Variants in MAPK8 observed in about 807,000 individuals in gnomAD.
The protein encoded by MAPK8 is mitogen-activated protein kinase 8.
A neutral mutation model predicts 52.9 loss-of-function variants in MAPK8; 13 were observed. That is an observed-to-expected ratio of 0.25 (90% CI 0.16 to 0.39). The LOEUF is 0.39. Ranked by LOEUF, MAPK8 falls within the 10% of genes least tolerant of loss-of-function variation. The probability of loss-of-function intolerance (pLI) is 1.00; values close to 1 mark genes in which losing one functional copy is unlikely to be tolerated. For missense variants in MAPK8, 300 were observed against 519.2 expected (o/e 0.58, Z 4.10); for synonymous variants, 191 against 169.8 (o/e 1.12, Z -0.97).
At chr10:48,353,094 A>C (rs1846496623) in intron 1 of MAPK8, among the ~76,000 whole-genome samples, 1 of 152,234 alleles carries the variant, frequency 6.6e-6, no homozygotes. Context: ...GAAAGAAATC[A>C]AAGACCCAAA....
rs751835651 is a variant in MAPK8, at chr10:48,426,492, T to G, written c.984T>G (p.Ser328=). Residue 328 remains serine, a synonymous_variant, in exon 9 of 12, where the codon TCT becomes TCG. Coordinates refer to ENST00000374189, the MANE Select transcript of MAPK8 (RefSeq NM_001323329.2). ...ACATCAATGTCTGGTATGATCCTTC[T>G]GAAGCAGAAGCTGTAAGTTATTTTC... ...HPYINVWYDP[S]EAEAPPPKIP... The G allele has an allele frequency of 6.2e-7, 1 of 1,610,150 alleles. No homozygotes were observed. Among genetic ancestry groups the G allele is most frequent in the Admixed American group, 1.7e-5 (1 of 59,040 alleles).
chr10:48,363,278 C>T (rs1484168772), intron 1 of MAPK8, among the ~76,000 whole-genome samples: 1 of 152,218 alleles, frequency 6.6e-6, no homozygotes, highest in Non-Finnish European at 1.5e-5. Context: ...AGTCCCCTGG[C>T]AGAAAGGTAA....
At chr10:48,308,913 T>A (rs1841671397) in intron 1 of MAPK8, among the ~76,000 whole-genome samples, 1 of 152,236 alleles carries the variant, frequency 6.6e-6, no homozygotes, top group Non-Finnish European at 1.5e-5. Flanking sequence ...GTTTAGCGTT[T>A]GTTTTGTATT....
At chr10:48,338,187 A>T (rs1379702857) in intron 1 of MAPK8, among the ~76,000 whole-genome samples, 2 of 152,166 alleles carry the variant, frequency 1.3e-5, no homozygotes, top group Non-Finnish European at 2.9e-5. Context: ...CCTGATGAAG[A>T]TAGAGGCAAA....
At chr10:48,398,438 A>G (rs2041997427) in intron 1 of MAPK8, among the ~76,000 whole-genome samples, 1 of 152,248 alleles carries the variant, frequency 6.6e-6, no homozygotes, top group African/African-American at 2.4e-5. Flanking sequence ...TAGTATAGAT[A>G]AAATTAAATG....
At chr10:48,367,389 AT>A (rs1285772540) in intron 1 of MAPK8, among the ~76,000 whole-genome samples, 1 of 150,892 alleles carries the variant, frequency 6.6e-6, no homozygotes, top group African/African-American at 2.4e-5. Flanking sequence ...AAATAAATAA[AT>A]AAATAAATAA....
intron 9 of MAPK8, chr10:48,426,807 A>T: frequency 2.1e-6 from 1 of 480,026 alleles, no homozygotes; most frequent in Non-Finnish European, 3.7e-6. Flanking sequence ...TACTGTATCC[A>T]AAGGAAAACA....
chr10:48,395,657 A>G (rs927013354), intron 1 of MAPK8, among the ~76,000 whole-genome samples: 3 of 152,112 alleles, frequency 2.0e-5, no homozygotes, highest in African/African-American at 7.2e-5. Context: ...AAATGTATAT[A>G]GAATTATGAA....
intron 1 of MAPK8, among the ~76,000 whole-genome samples, chr10:48,321,850 A>G (rs191678852): frequency 6.8e-4 from 103 of 152,220 alleles, no homozygotes; most frequent in South Asian, 1.2e-3. Flanking sequence ...CCATTGATCT[A>G]TGTGTCTATT....
At chr10:48,364,032 A>G (rs143379703) in intron 1 of MAPK8, among the ~76,000 whole-genome samples, 28 of 152,332 alleles carry the variant, frequency 1.8e-4, no homozygotes, top group Non-Finnish European at 3.7e-4. Context: ...GCAGTTAATA[A>G]TTCATCCATT....
intron 1 of MAPK8, among the ~76,000 whole-genome samples, chr10:48,345,295 T>G (rs906703881): frequency 5.9e-5 from 9 of 152,160 alleles, no homozygotes; most frequent in Admixed American, 2.0e-4. Flanking sequence ...TTGTTAACCC[T>G]CTCTCTCAAC....
At chr10:48,317,305 C>A (rs1262961037) in intron 1 of MAPK8, among the ~76,000 whole-genome samples, 1 of 152,152 alleles carries the variant, frequency 6.6e-6, no homozygotes, top group African/African-American at 2.4e-5. Context: ...CTCCAGCCTC[C>A]CGAGTAGCTG....
At chr10:48,375,579 C>G (rs2040608804) in intron 1 of MAPK8, among the ~76,000 whole-genome samples, 1 of 152,154 alleles carries the variant, frequency 6.6e-6, no homozygotes, top group African/African-American at 2.4e-5. Flanking sequence ...CACAAACATT[C>G]CTATACATCA....
chr10:48,402,742 C>T (rs566879760), intron 2 of MAPK8, among the ~76,000 whole-genome samples: 1 of 152,214 alleles, frequency 6.6e-6, no homozygotes, highest in East Asian at 1.9e-4. Flanking sequence ...CTCCTAGGTT[C>T]TAAAAAAACT....
chr10:48,343,317 G>C (rs1762431244), intron 1 of MAPK8, among the ~76,000 whole-genome samples: 12 of 152,034 alleles, frequency 7.9e-5, no homozygotes. Context: ...CATCACTCCA[G>C]TTACTGCCTA....
intron 1 of MAPK8, among the ~76,000 whole-genome samples, chr10:48,341,074 A>G (rs1218917389): frequency 6.6e-6 from 1 of 152,236 alleles, no homozygotes; most frequent in Non-Finnish European, 1.5e-5. Context: ...AAGAGGGTAA[A>G]TCTGATCCCA....
intron 10 of MAPK8, chr10:48,429,803 T>C (rs1281777064): frequency 6.6e-6 from 1 of 152,208 alleles, no homozygotes; most frequent in African/African-American, 2.4e-5. Flanking sequence ...TTATTACCAA[T>C]ATAAATGTCA....
intron 1 of MAPK8, chr10:48,308,377 T>C (rs551926589): frequency 6.6e-6 from 1 of 152,224 alleles, no homozygotes; most frequent in Non-Finnish European, 1.5e-5. Flanking sequence ...CGTAATGTTC[T>C]CCATAAAGTT....
In MAPK8 at chr10:48,431,283, A is replaced by G. The variant is rs775748147; in HGVS notation, c.1138+13A>G. ...CCCTCTCCTTTAGGTTGGTTACAAT[A>G]TAAGCTTGGTTAAGATTACAGTTTA... On this transcript the variant is annotated intron_variant, in intron 11 of 11. Coordinates refer to ENST00000374189, the MANE Select transcript of MAPK8 (RefSeq NM_001323329.2). 2 of 1,589,072 alleles carry G rather than the reference A, an allele frequency of 1.3e-6. No individual in the cohort carries two copies. The highest frequency in any genetic ancestry group is 2.2e-5 in the South Asian group (2 of 89,632).
Sources: allele counts gnomAD v4.1 joint callset (sites outside exome capture counted in the v4.1 genomes callset), GRCh38; gene constraint gnomAD v4.1.1; transcripts MANE v1.5; gene names NCBI Gene and HGNC (gene_info 2026-07-23, HGNC 2026-07-21).